The following SMURF2 variants were observed in gnomAD, a reference collection of about 807,000 sequenced individuals.
The protein encoded by SMURF2 is SMAD specific E3 ubiquitin protein ligase 2.
In SMURF2, 48 loss-of-function variants were observed where a neutral mutation model predicts 109.6. That is an observed-to-expected ratio of 0.44 (90% CI 0.35 to 0.56). The LOEUF is 0.56. Ranked by LOEUF, SMURF2 falls within the 20% of genes least tolerant of loss-of-function variation. The probability of loss-of-function intolerance (pLI) is 0.01; values close to 1 mark genes in which losing one functional copy is unlikely to be tolerated. For missense variants in SMURF2, 575 were observed against 909.0 expected (o/e 0.63, Z 4.72); for synonymous variants, 288 against 317.1 (o/e 0.91, Z 0.97).
At chr17:64,555,044 C>A in intron 14 of SMURF2, 51 bp from the exon 15 acceptor site, 1 of 1,506,780 alleles carries the variant, frequency 6.6e-7, no homozygotes, top group Non-Finnish European at 9.1e-7. Flanking sequence ...AAAATACAGA[C>A]CCTATAGATG....
chr17:64,601,131 C>A (rs531302150), intron 2 of SMURF2, among the ~76,000 whole-genome samples: 8 of 152,150 alleles, frequency 5.3e-5, no homozygotes, highest in Admixed American at 3.3e-4. Context: ...TGGCATACGT[C>A]TGTAGTCTCA....
chr17:64,547,852 A>G lies in SMURF2; in HGVS notation c.1870-51T>C. ...ACCTGTGGAAACCACAGCCAGACCA[A>G]AAATTCCTCAAAAGAGAACTTTAGG... On this transcript the variant is annotated intron_variant, in intron 16 of 18. Transcript: ENST00000262435. The surrounding 1 kb of genome is among the most constrained non-coding windows in gnomAD (Gnocchi z 4.2). 2 of 1,535,290 alleles carry G rather than the reference A, an allele frequency of 1.3e-6. No individual in the cohort carries two copies. Among genetic ancestry groups the G allele is most frequent in the Non-Finnish European group, 1.8e-6 (2 of 1,110,508 alleles).
chr17:64,617,618 T>C (rs1274506079), intron 1 of SMURF2, among the ~76,000 whole-genome samples: 1 of 152,150 alleles, frequency 6.6e-6, no homozygotes, highest in Non-Finnish European at 1.5e-5. Flanking sequence ...TCTGAGTACC[T>C]GGGACTACAG....
chr17:64,630,651 T>A (rs9899337), intron 1 of SMURF2, among the ~76,000 whole-genome samples: 36,291 of 152,108 alleles, frequency 0.24, 8,498 homozygotes, highest in African/African-American at 0.61. Context: ...GTTGAAACAA[T>A]TTTAGCAGAA....
chr17:64,662,035 T>C lies in SMURF2; in HGVS notation c.-155A>G. On this transcript the variant is annotated 5_prime_UTR_variant, in exon 1 of 19. An upstream start codon of the reference 5' UTR is lost. Coordinates refer to ENST00000262435, the MANE Select transcript of SMURF2 (RefSeq NM_022739.4). ...CCGGATGTGCCGAGAGTCGTCGCCATGAGCCGCGGAGGGAGCGGGACGCCG... is the reference window on the plus strand; with the variant it reads ...CCGGATGTGCCGAGAGTCGTCGCCACGAGCCGCGGAGGGAGCGGGACGCCG... 3.6e-6 allele frequency: 4 copies of C among 1,112,068 alleles called. No homozygotes were observed. Among genetic ancestry groups the C allele is most frequent in the Non-Finnish European group, 3.3e-6 (3 of 911,696 alleles). The allele number at this position is 1,112,068 out of a possible 1,614,324, so 68.9% of individuals were successfully genotyped here. A position where few individuals can be genotyped will look rare whatever the true frequency, so the allele number is the denominator to read the frequency against.
At chr17:64,556,863 T>G (rs998906848) in intron 13 of SMURF2, among the ~76,000 whole-genome samples, 5 of 152,228 alleles carry the variant, frequency 3.3e-5, no homozygotes, top group African/African-American at 1.2e-4. Context: ...TGTTTTTGTT[T>G]CTTTTTTAAA....
chr17:64,624,408 A>G (rs1970241621), intron 1 of SMURF2, among the ~76,000 whole-genome samples: 1 of 148,970 alleles, frequency 6.7e-6, no homozygotes, highest in South Asian at 2.1e-4. Flanking sequence ...ATCTCGGCTC[A>G]CTGCAGCCTC....
intron 1 of SMURF2, among the ~76,000 whole-genome samples, chr17:64,626,529 G>A (rs1391354782): frequency 2.0e-5 from 3 of 152,140 alleles, no homozygotes; most frequent in East Asian, 1.9e-4. Flanking sequence ...TTGGGAGGCT[G>A]AGGCAGGCGG....
chr17:64,662,073 C>A lies in SMURF2; in HGVS notation c.-193G>T. On this transcript the variant is annotated 5_prime_UTR_variant, in exon 1 of 19. In the 5' UTR this introduces an upstream ATG that the reference lacks. Transcript: ENST00000262435. ...GAGCGGGACGCCGAGCTCCCCCCTC[C>A]TCCCACTTCTCCTTCCTCGGCCCGG... The A allele has an allele frequency of 9.2e-7, 1 of 1,091,594 alleles. No individual in the cohort carries two copies. The highest frequency in any genetic ancestry group is 1.1e-6 in the Non-Finnish European group (1 of 898,482). 67.6% of individuals were successfully genotyped at this position (1,091,594 alleles called of 1,614,324 possible).
At chr17:64,592,778 G>C (rs1368498917) in intron 4 of SMURF2, among the ~76,000 whole-genome samples, 1 of 152,198 alleles carries the variant, frequency 6.6e-6, no homozygotes, top group Non-Finnish European at 1.5e-5. Flanking sequence ...GTTATGCTAA[G>C]TCAACTTATA....
At chr17:64,614,105 G>T (rs1460246679) in intron 1 of SMURF2, among the ~76,000 whole-genome samples, 6 of 152,154 alleles carry the variant, frequency 3.9e-5, no homozygotes, top group Admixed American at 2.0e-4. Context: ...GGAAGTGGTT[G>T]TAAATACAGA....
chr17:64,573,713 C>G (rs989912186), intron 9 of SMURF2, among the ~76,000 whole-genome samples: 2 of 152,240 alleles, frequency 1.3e-5, no homozygotes, highest in South Asian at 4.1e-4. Context: ...CTGAAGCTTC[C>G]TCCCCAAGCT....
At chr17:64,614,822 C>T (rs1970099657) in intron 1 of SMURF2, among the ~76,000 whole-genome samples, 2 of 152,170 alleles carry the variant, frequency 1.3e-5, no homozygotes, top group Non-Finnish European at 2.9e-5. Flanking sequence ...AGACATAGTC[C>T]TTTGCTCTCA....
At position 64,562,964 on chromosome 17, in the gene SMURF2, C is replaced by A. The variant is rs782096701; in HGVS notation, c.1019G>T (p.Arg340Leu). ...CTGTTGGTCTTTCAATTGGTTCTGCCGACTAGAAGTAAACATAGATGTTAT... is the reference window on the plus strand; with the variant it reads ...CTGTTGGTCTTTCAATTGGTTCTGCAGACTAGAAGTAAACATAGATGTTAT... ...LSANLHLVLN[R>L]QNQLKDQQQQ... Residue 340 changes from arginine (R) to leucine (L), a missense_variant and splice_region_variant, in exon 11 of 19, where the codon CGG becomes CTG. Transcript: ENST00000262435. The A allele has an allele frequency of 3.1e-6, 5 of 1,609,420 alleles. No homozygotes were observed. Among genetic ancestry groups the A allele is most frequent in the Non-Finnish European group, 4.2e-6 (5 of 1,177,670 alleles).
intron 10 of SMURF2, among the ~76,000 whole-genome samples, chr17:64,568,206 T>G (rs1555685243): frequency 6.6e-6 from 1 of 151,186 alleles, no homozygotes; most frequent in Non-Finnish European, 1.5e-5. Context: ...GCCAGGCTGG[T>G]CTCGAACTCC....
chr17:64,637,128 GA>G (rs1488360221), intron 1 of SMURF2, among the ~76,000 whole-genome samples: 2 of 147,200 alleles, frequency 1.4e-5, no homozygotes, highest in African/African-American at 2.7e-5. Flanking sequence ...CTATCTAAGA[GA>G]TTTTTTTTTT....
intron 16 of SMURF2, 135 bp downstream of exon 16, chr17:64,551,449 G>A: frequency 1.0e-6 from 1 of 954,958 alleles, no homozygotes; most frequent in Admixed American, 2.5e-5. Context: ...CTTTTCCTGT[G>A]AATAAGAATT....
intron 1 of SMURF2, among the ~76,000 whole-genome samples, chr17:64,614,200 A>G (rs1331715634): frequency 2.0e-5 from 3 of 152,176 alleles, no homozygotes; most frequent in African/African-American, 7.2e-5. Context: ...CAGTATTTCA[A>G]TATCTTTAAT....
At position 64,554,974 on chromosome 17, in the gene SMURF2, C is replaced by A; in HGVS notation, c.1630G>T (p.Val544Phe). 1 of 1,613,530 alleles carries A rather than the reference C, an allele frequency of 6.2e-7. No homozygotes were observed. Among genetic ancestry groups the A allele is most frequent in the Non-Finnish European group, 8.5e-7 (1 of 1,179,736 alleles). Residue 544 changes from valine to phenylalanine, a missense_variant, in exon 15 of 19, where the codon GTT becomes TTT. This residue lies in a region of SMURF2 where 361 missense variants were observed against 612.1 expected (regional missense o/e 0.59). Transcript: ENST00000262435. ...TCAACACAGAAGGTATGGTCCAAAA[C>A]ACCTGTAATATCATTCTCACTGGAT... Reference protein sequence around the residue: ...VWILENDITGVLDHTFCVEHN... With the variant: ...VWILENDITGFLDHTFCVEHN...
Sources: gnomAD v4.1 joint callset for allele counts (sites outside exome capture counted in the v4.1 genomes callset) on GRCh38, gnomAD v4.1.1 for gene constraint, gnomAD v4.1.1 regional missense constraint, Gnocchi (gnomAD v3.1) non-coding constraint, MANE v1.5 for transcripts, NCBI Gene and HGNC (gene_info 2026-07-23, HGNC 2026-07-21) for gene names.